Variants in PAX5 observed in about 807,000 individuals in gnomAD.
PAX5 encodes the protein paired box protein Pax-5.
Under a neutral mutation model 43.7 loss-of-function variants are expected in PAX5, and 9 were observed. The observed-to-expected ratio is 0.21, with a 90% CI of 0.12 to 0.36. The LOEUF (loss-of-function observed/expected upper bound fraction) is 0.36. Ranked by LOEUF, PAX5 falls within the 10% of genes least tolerant of loss-of-function variation. The pLI is 1.00. For synonymous variants in PAX5, 228 were observed against 214.3 expected (o/e 1.06, Z -0.56); for missense variants, 383 against 532.7 (o/e 0.72, Z 2.77).
At chr9:36,985,550 C>T (rs999040597) in intron 5 of PAX5, among the ~76,000 whole-genome samples, 3 of 152,186 alleles carry the variant, frequency 2.0e-5, no homozygotes, top group Admixed American at 6.5e-5. Context: ...GACTTCTGCC[C>T]TTGGAACTCA....
chr9:36,966,912 C>T (rs2132196999), intron 5 of PAX5, among the ~76,000 whole-genome samples, 188 bp from the exon 6 acceptor site: 1 of 152,312 alleles, frequency 6.6e-6, no homozygotes, highest in East Asian at 1.9e-4. Flanking sequence ...TCAGAGTCAG[C>T]CTCCCGCAGC....
At chr9:37,002,583 G>T in intron 5 of PAX5, 65 bp downstream of exon 5, 3 of 1,552,538 alleles carry the variant, frequency 1.9e-6, no homozygotes, top group South Asian at 1.2e-5. Context: ...TGCCACCCGC[G>T]ACCGAGCGCC....
intron 1 of PAX5, among the ~76,000 whole-genome samples, chr9:37,025,652 G>A (rs974199495): frequency 6.6e-6 from 1 of 152,212 alleles, no homozygotes; most frequent in African/African-American, 2.4e-5. Flanking sequence ...ACCGTGAGAG[G>A]AGCGCTCATC....
At chr9:36,863,880 G>T (rs533932451) in intron 8 of PAX5, among the ~76,000 whole-genome samples, 1 of 152,234 alleles carries the variant, frequency 6.6e-6, no homozygotes, top group Non-Finnish European at 1.5e-5. Flanking sequence ...GGAGGCTAAG[G>T]TGGGCGGATC....
intron 1 of PAX5, among the ~76,000 whole-genome samples, chr9:37,030,332 C>T (rs1050557001): frequency 1.3e-5 from 2 of 152,200 alleles, no homozygotes; most frequent in Admixed American, 1.3e-4. Flanking sequence ...CTAGCCCAGC[C>T]TTACAGGTCA....
At chr9:37,004,493 G>A (rs1044347548) in intron 4 of PAX5, among the ~76,000 whole-genome samples, 5 of 152,188 alleles carry the variant, frequency 3.3e-5, no homozygotes, top group South Asian at 2.1e-4. Flanking sequence ...AGCCCTTCAC[G>A]GCTTCCCTTT....
chr9:36,876,424 C>T (rs931155822), intron 8 of PAX5, among the ~76,000 whole-genome samples: 6 of 152,238 alleles, frequency 3.9e-5, no homozygotes, highest in African/African-American at 1.4e-4. Flanking sequence ...GGGCACCCAC[C>T]GGTTCCTCAA....
Position 36,896,492 on chromosome 9 carries a change from C to A in PAX5, c.911-14387G>T, listed in dbSNP as rs78931154. The stretch of plus-strand genomic sequence containing the variant: ...CAGAGGCACCTCCCAGGGTGCACAG[C>A]AAATTAATGTGCTGCAGAGAACATG... On this transcript the variant is annotated intron_variant, in intron 7 of 9. Coordinates refer to ENST00000358127, the MANE Select transcript of PAX5 (RefSeq NM_016734.3). 3.3e-3 allele frequency among the ~76,000 whole-genome samples: 500 copies of A among 152,220 alleles called. 6 individuals are homozygous for A. In the East Asian group the frequency reaches 0.047, roughly 14 times the overall value.
chr9:37,033,910 G>A, intron 1 of PAX5, 76 bp downstream of exon 1: 4 of 1,372,082 alleles, frequency 2.9e-6, no homozygotes, highest in Admixed American at 3.5e-5. Flanking sequence ...TCCTCCTCCA[G>A]GGTCACCCTG....
intron 8 of PAX5, among the ~76,000 whole-genome samples, chr9:36,867,764 C>T (rs1005151042): frequency 2.6e-5 from 4 of 152,182 alleles, no homozygotes; most frequent in African/African-American, 7.2e-5. Context: ...TTTCTTTCAG[C>T]CCTGGATTTA....
intron 6 of PAX5, among the ~76,000 whole-genome samples, chr9:36,952,342 T>C (rs1429276948): frequency 6.8e-6 from 1 of 147,460 alleles, no homozygotes; most frequent in African/African-American, 2.5e-5. Flanking sequence ...CAAGTTCAAG[T>C]AATTCTCCTG....
At chr9:36,868,405 C>T (rs144945791) in intron 8 of PAX5, among the ~76,000 whole-genome samples, 47 of 152,322 alleles carry the variant, frequency 3.1e-4, no homozygotes, top group African/African-American at 9.9e-4. Context: ...GACGGGCGCA[C>T]GGGGTCTCTA....
At chr9:36,863,350 A>G (rs1172794907) in intron 8 of PAX5, among the ~76,000 whole-genome samples, 1 of 152,166 alleles carries the variant, frequency 6.6e-6, no homozygotes, top group African/African-American at 2.4e-5. Context: ...TGCAGCCTCA[A>G]ACTCCTGGTC....
intron 6 of PAX5, among the ~76,000 whole-genome samples, chr9:36,947,294 T>C (rs1219044081): frequency 6.6e-6 from 1 of 152,246 alleles, no homozygotes; most frequent in African/African-American, 2.4e-5. Context: ...AAACCTACCA[T>C]AAATGTCCTG....
intron 9 of PAX5, among the ~76,000 whole-genome samples, chr9:36,840,860 G>A (rs1296995148): frequency 6.6e-6 from 1 of 152,196 alleles, no homozygotes; most frequent in East Asian, 1.9e-4. Flanking sequence ...CCGGAGCCTG[G>A]GGCCCTTGGG....
chr9:37,013,848 G>A (rs16933831), intron 3 of PAX5, among the ~76,000 whole-genome samples: 6,548 of 152,186 alleles, frequency 0.043, 447 homozygotes, highest in African/African-American at 0.15. Context: ...CAAAATAGCA[G>A]GACTCAAAAT....
intron 8 of PAX5, among the ~76,000 whole-genome samples, chr9:36,873,302 C>T (rs1406727467): frequency 1.3e-5 from 2 of 152,202 alleles, no homozygotes; most frequent in African/African-American, 4.8e-5. Flanking sequence ...GCTGTGTCGG[C>T]AGCTCCACCC....
intron 9 of PAX5, 91 bp from the exon 10 acceptor site, chr9:36,840,727 G>T: frequency 1.3e-6 from 1 of 769,320 alleles, no homozygotes; most frequent in South Asian, 1.8e-5. Flanking sequence ...CCCTCACTCA[G>T]TCCGGGCCAC....
chr9:36,905,509 C>A (rs1442492012), intron 7 of PAX5, among the ~76,000 whole-genome samples: 2 of 152,218 alleles, frequency 1.3e-5, no homozygotes, highest in African/African-American at 2.4e-5. Context: ...CCTTTCACAG[C>A]AGACTGCCGC....
Sources: gnomAD v4.1 joint callset for allele counts (sites outside exome capture counted in the v4.1 genomes callset) on GRCh38, gnomAD v4.1.1 for gene constraint, MANE v1.5 for transcripts, NCBI Gene and HGNC (gene_info 2026-07-23, HGNC 2026-07-21) for gene names.